Variants in PDE3A observed in about 807,000 individuals in gnomAD.
PDE3A encodes the protein phosphodiesterase 3A.
PDE3A carries 43 observed loss-of-function variants against 98.3 expected under a neutral mutation model. That is an observed-to-expected ratio of 0.44 (90% CI 0.34 to 0.56). The LOEUF (loss-of-function observed/expected upper bound fraction) is 0.56, where lower values mean the gene tolerates loss of function less well. Ranked by LOEUF, PDE3A falls within the 20% of genes least tolerant of loss-of-function variation. The probability of loss-of-function intolerance (pLI) is 0.01; values close to 1 mark genes in which losing one functional copy is unlikely to be tolerated. For missense variants in PDE3A, 1,427 were observed against 1,440.7 expected, an observed-to-expected ratio of 0.99 and a Z score of 0.15; for synonymous variants, 663 against 567.9, an observed-to-expected ratio of 1.17 and a Z score of -2.38.
chr12:20,447,388 T>G (rs1264461660), intron 1 of PDE3A, among the ~76,000 whole-genome samples: 1 of 152,232 alleles, frequency 6.6e-6, no homozygotes, highest in African/African-American at 2.4e-5. Flanking sequence ...AACTTCTGGA[T>G]GGGGGCTGGT....
chr12:20,524,643 A>G (rs942767412), intron 1 of PDE3A, among the ~76,000 whole-genome samples: 3 of 151,760 alleles, frequency 2.0e-5, no homozygotes, highest in Non-Finnish European at 4.4e-5. Context: ...AATATTTTAT[A>G]TATAGCTATA....
rs138437938 is a variant in PDE3A, at chr12:20,432,599, A to G, written c.960+62355A>G. 3.4e-3 allele frequency among the ~76,000 whole-genome samples: 511 copies of G among 152,270 alleles called. 7 individuals are homozygous for G. The highest frequency in any genetic ancestry group is 0.012 in the African/African-American group (484 of 41,558). On this transcript the variant is annotated intron_variant, in intron 1 of 15. Transcript: ENST00000359062. Reference sequence around the variant, plus strand: ...ATATTTAATATGTGTAGCTTTTTGCATGTCGATCATACCTTAATAAAATAG... The same window carrying G: ...ATATTTAATATGTGTAGCTTTTTGCGTGTCGATCATACCTTAATAAAATAG...
rs1014107052 is a variant in PDE3A at position 20,552,743 on chromosome 12, C to A, written c.961-3917C>A. 2.5e-6 allele frequency: 4 copies of A among 1,613,946 alleles called. No individual in the cohort carries two copies. In the African/African-American group the frequency reaches 5.3e-5, roughly 22 times the overall value. ...GTCCTGGCGTCACTCAAGGACCGGC[C>A]GGCGAGCGGCAGCCCGTTCCAGTTG... On this transcript the variant is annotated intron_variant, in intron 1 of 15. Transcript: ENST00000359062. This position sits in a 1 kb window ranked among gnomAD's most constrained non-coding sequence, Gnocchi z 5.1.
intron 2 of PDE3A, among the ~76,000 whole-genome samples, chr12:20,596,911 T>C (rs1192102541): frequency 6.6e-6 from 1 of 152,200 alleles, no homozygotes; most frequent in African/African-American, 2.4e-5. Context: ...TTGGCAAGGA[T>C]ATTTTCATAT....
At chr12:20,613,190 C>T (rs548605084) in intron 2 of PDE3A, among the ~76,000 whole-genome samples, 2 of 152,152 alleles carry the variant, frequency 1.3e-5, no homozygotes, top group South Asian at 2.1e-4. Flanking sequence ...AACTAGTGTT[C>T]ATCTTTTTAA....
chr12:20,566,548 C>T (rs1054028202), intron 2 of PDE3A, among the ~76,000 whole-genome samples: 1 of 151,534 alleles, frequency 6.6e-6, no homozygotes, highest in Non-Finnish European at 1.5e-5. Flanking sequence ...GGAAAAACCT[C>T]TCAGAAAATT....
chr12:20,586,920 T>C (rs1322599292), intron 2 of PDE3A, among the ~76,000 whole-genome samples: 1 of 152,206 alleles, frequency 6.6e-6, no homozygotes, highest in African/African-American at 2.4e-5. Context: ...TGTATTTTTT[T>C]TACCTTCAGG....
intron 1 of PDE3A, 26 bp downstream of exon 1, chr12:20,370,270 G>T: frequency 6.7e-7 from 1 of 1,492,784 alleles, no homozygotes. Flanking sequence ...TCCTCTCTCG[G>T]CTCTTGGAAA....
chr12:20,559,491 G>GATAATAATA (rs140415835), intron 2 of PDE3A, among the ~76,000 whole-genome samples: 32 of 149,178 alleles, frequency 2.1e-4, no homozygotes, highest in African/African-American at 7.6e-4. Context: ...TACAAATAAT[G>GATAATAATA]ATAATAATAA....
intron 1 of PDE3A, among the ~76,000 whole-genome samples, chr12:20,457,744 T>C (rs1945176514): frequency 6.6e-6 from 1 of 151,954 alleles, no homozygotes; most frequent in African/African-American, 2.4e-5. Context: ...AAAAAATAAC[T>C]TGTAACATAA....
At chr12:20,609,711 A>G (rs1012600298) in intron 2 of PDE3A, among the ~76,000 whole-genome samples, 5 of 152,040 alleles carry the variant, frequency 3.3e-5, no homozygotes, top group Non-Finnish European at 7.4e-5. Context: ...ACCTACACCA[A>G]TGGAACAGGA....
intron 4 of PDE3A, among the ~76,000 whole-genome samples, chr12:20,616,961 A>G (rs1296044230): frequency 2.0e-5 from 3 of 152,218 alleles, no homozygotes; most frequent in African/African-American, 4.8e-5. Flanking sequence ...TTATATTAAC[A>G]TCTAAAAAGA....
At chr12:20,506,863 T>C (rs1359682756) in intron 1 of PDE3A, among the ~76,000 whole-genome samples, 2 of 152,038 alleles carry the variant, frequency 1.3e-5, no homozygotes, top group Non-Finnish European at 2.9e-5. Context: ...TTCATATATG[T>C]ACAAAATTTA....
At chr12:20,646,088 ATG>A (rs1944769485) in intron 10 of PDE3A, among the ~76,000 whole-genome samples, 1 of 152,216 alleles carries the variant, frequency 6.6e-6, no homozygotes, top group Non-Finnish European at 1.5e-5. Flanking sequence ...ATGAAATATT[ATG>A]TCTCATCTAG....
chr12:20,561,980 A>T (rs897815478), intron 2 of PDE3A, among the ~76,000 whole-genome samples: 2 of 152,018 alleles, frequency 1.3e-5, no homozygotes, highest in African/African-American at 4.8e-5. Flanking sequence ...TTCTTTTTTT[A>T]AAAGTATATA....
intron 1 of PDE3A, among the ~76,000 whole-genome samples, chr12:20,451,063 G>A (rs1945055383): frequency 6.6e-6 from 1 of 152,136 alleles, no homozygotes; most frequent in Non-Finnish European, 1.5e-5. Context: ...AAATCTAGTA[G>A]TTACCTTTTA....
intron 5 of PDE3A, among the ~76,000 whole-genome samples, chr12:20,629,140 AGT>A: frequency 6.6e-6 from 1 of 152,100 alleles, no homozygotes; most frequent in Non-Finnish European, 1.5e-5. Flanking sequence ...TTTGGGAGAG[AGT>A]AACTTCAAAA....
chr12:20,544,904 C>T (rs1026174413), intron 1 of PDE3A, among the ~76,000 whole-genome samples: 1 of 151,968 alleles, frequency 6.6e-6, no homozygotes. Flanking sequence ...TCACATACTT[C>T]TAGAAATATT....
intron 1 of PDE3A, among the ~76,000 whole-genome samples, chr12:20,492,570 G>C (rs1438701679): frequency 6.6e-6 from 1 of 152,128 alleles, no homozygotes; most frequent in African/African-American, 2.4e-5. Flanking sequence ...TAGGACCAAA[G>C]GCACGAGGAG....
Sources: gnomAD v4.1 joint callset for allele counts (sites outside exome capture counted in the v4.1 genomes callset) on GRCh38, gnomAD v4.1.1 for gene constraint, Gnocchi (gnomAD v3.1) non-coding constraint, MANE v1.5 for transcripts, NCBI Gene and HGNC (gene_info 2026-07-23, HGNC 2026-07-21) for gene names.